Variants in PCDHGA2 observed in about 807,000 individuals in gnomAD.
PCDHGA2 encodes the protein protocadherin gamma subfamily A, 2.
PCDHGA2 carries 40 observed loss-of-function variants against 59.2 expected under a neutral mutation model. The ratio of observed to expected loss-of-function variants is 0.68; its 90% CI spans 0.52 to 0.88. The LOEUF is 0.88. Among genes scored for constraint, PCDHGA2 ranks in the 40% least tolerant of loss-of-function variants. The pLI, the probability that PCDHGA2 is intolerant of heterozygous loss-of-function variation, is 0.00. For synonymous variants in PCDHGA2, 560 were observed against 526.0 expected, an observed-to-expected ratio of 1.06 and a Z score of -0.89; for missense variants, 1,226 against 1,204.0, an observed-to-expected ratio of 1.02 and a Z score of -0.27.
intron 1 of PCDHGA2, chr5:141,422,667 G>A (rs1283968031): frequency 1.9e-6 from 3 of 1,607,536 alleles, no homozygotes; most frequent in South Asian, 1.1e-5. Context: ...CCCTCGACCC[G>A]GACAGCAAAC....
Position 141,352,437 on chromosome 5 carries a change from G to A in PCDHGA2, c.2424+11042G>A, listed in dbSNP as rs754792200. The A allele has an allele frequency of 1.2e-6, 2 of 1,613,916 alleles. No homozygotes were observed. Among genetic ancestry groups the A allele is most frequent in the Non-Finnish European group, 1.7e-6 (2 of 1,179,916 alleles). ...GACACTGAGGGCTGCTTTCAAACCG[G>A]TCTCTGCTCCAAGTCTGGGCCCGGG... On this transcript the variant is annotated intron_variant, in intron 1 of 3. Transcript: ENST00000394576.
At chr5:141,361,413 C>CG (rs1007927822) in intron 1 of PCDHGA2, 1 of 1,614,020 alleles carries the variant, frequency 6.2e-7, no homozygotes. Context: ...CAGCCACCGA[C>CG]GGGGGCAAGC....
intron 1 of PCDHGA2, among the ~76,000 whole-genome samples, chr5:141,468,000 C>G (rs1429450909): frequency 6.6e-6 from 1 of 152,028 alleles, no homozygotes; most frequent in East Asian, 1.9e-4. Flanking sequence ...ATTCTTTCTT[C>G]CTCTGTTATA....
intron 1 of PCDHGA2, chr5:141,399,579 C>T: frequency 6.2e-7 from 1 of 1,614,026 alleles, no homozygotes; most frequent in South Asian, 1.1e-5. Context: ...GCCAAGTCTC[C>T]TACTCTATCA....
chr5:141,398,882 G>A, intron 1 of PCDHGA2: 1 of 1,613,930 alleles, frequency 6.2e-7, no homozygotes, highest in Non-Finnish European at 8.5e-7. Context: ...GTCAGCCTTC[G>A]GGAAAACGTG....
intron 1 of PCDHGA2, chr5:141,404,037 A>T: frequency 6.2e-7 from 1 of 1,613,888 alleles, no homozygotes; most frequent in East Asian, 2.2e-5. Context: ...GACGCACCTC[A>T]GGGAACAGTA....
At position 141,344,118 on chromosome 5, in the gene PCDHGA2, G is replaced by T. The variant is rs780017426; in HGVS notation, c.2424+2723G>T. On this transcript the variant is annotated intron_variant, in intron 1 of 3. Transcript: ENST00000394576. ...GGGGACGCTGTGCGAAACAGGATCC[G>T]GTCAGATCCGCTACTCGGTGTCTGA... 6.8e-6 allele frequency: 11 copies of T among 1,613,874 alleles called. No homozygotes were observed. In the East Asian group the frequency reaches 1.6e-4, roughly 23 times the overall value.
rs1408799959 is a variant in PCDHGA2, at chr5:141,345,390, C to T, written c.2424+3995C>T. ...CATCAATGACAACCCACCCACCTTC[C>T]CTCATTTATCCTACTCCGCCTACAT... On this transcript the variant is annotated intron_variant, in intron 1 of 3. Transcript: ENST00000394576. 10 of 1,614,144 alleles carry T rather than the reference C, an allele frequency of 6.2e-6. 1 individual carries two copies. The South Asian group carries it at 9.9e-5, about 16-fold the overall frequency.
In PCDHGA2 at chr5:141,431,961, A is replaced by C; in HGVS notation, c.2425-62846A>C. Reference sequence around the variant, plus strand: ...AAATTAGAAAAATCTTACGGAAATTACTATAGTTTAGTCACAGACATAGTC... The same window carrying C: ...AAATTAGAAAAATCTTACGGAAATTCCTATAGTTTAGTCACAGACATAGTC... On this transcript the variant is annotated intron_variant, in intron 1 of 3. Transcript: ENST00000394576. The surrounding 1 kb of genome is among the most constrained non-coding windows in gnomAD (Gnocchi z 4.8). 1 of 1,614,206 alleles carries C rather than the reference A, an allele frequency of 6.2e-7. No homozygotes were observed.
chr5:141,440,793 C>T (rs1448130354), intron 1 of PCDHGA2: 1 of 152,124 alleles, frequency 6.6e-6, no homozygotes, highest in Non-Finnish European at 1.5e-5. Context: ...TAGACGGCCC[C>T]CCAACAAAGC....
At chr5:141,427,584 A>G in intron 1 of PCDHGA2, 1 of 674,672 alleles carries the variant, frequency 1.5e-6, no homozygotes, top group Non-Finnish European at 2.7e-6. Context: ...CTCATCCAGC[A>G]CAAGCCTCAC....
intron 1 of PCDHGA2, chr5:141,375,861 C>T (rs567912144): frequency 1.9e-6 from 3 of 1,613,986 alleles, no homozygotes; most frequent in Middle Eastern, 1.7e-4. Flanking sequence ...AAGGTGGTGG[C>T]GGTGGACAGA....
In PCDHGA2 at chr5:141,340,657, C is replaced by T. The variant is rs1157138663; in HGVS notation, c.1686C>T (p.Ile562=). 2 of 1,614,126 alleles carry T rather than the reference C, an allele frequency of 1.2e-6. No individual in the cohort carries two copies. The highest frequency in any genetic ancestry group is 8.5e-7 in the Non-Finnish European group (1 of 1,180,050). ...ACCAGAACGACAACGCGCCCGAGAT[C>T]CTGTACCCTGCCTTCCCCACAGACG... The part of the protein sequence containing the change: ...VLDQNDNAPE[I]LYPAFPTDGS... The change falls in exon 1 of 4, where the codon ATC becomes ATT. Residue 562 remains isoleucine, a synonymous_variant. Transcript: ENST00000394576.
intron 1 of PCDHGA2, chr5:141,375,845 G>C (rs1308593204): frequency 6.2e-7 from 1 of 1,614,076 alleles, no homozygotes; most frequent in East Asian, 2.2e-5. Flanking sequence ...CGGCTACCTG[G>C]TGACCAAGGT....
chr5:141,373,819 A>G, intron 1 of PCDHGA2: 1 of 365,074 alleles, frequency 2.7e-6, no homozygotes, highest in Non-Finnish European at 4.9e-6. Context: ...GTTTCACAAA[A>G]CGATGCAGTA....
At chr5:141,370,453 T>G in intron 1 of PCDHGA2, 1 of 1,611,650 alleles carries the variant, frequency 6.2e-7, no homozygotes, top group Non-Finnish European at 8.5e-7. Flanking sequence ...CTATTTCTCT[T>G]CCTGCTCTCT....
chr5:141,404,992 C>G (rs2094593837), intron 1 of PCDHGA2: 5 of 1,613,876 alleles, frequency 3.1e-6, no homozygotes, highest in Admixed American at 3.3e-5. Context: ...GTCTTCAGAT[C>G]CCTGCAGACC....
chr5:141,396,492 C>G (rs970666488), intron 1 of PCDHGA2: 1 of 151,944 alleles, frequency 6.6e-6, no homozygotes, highest in Non-Finnish European at 1.5e-5. Context: ...TGGTGGCATG[C>G]GCCTGTGGTC....
chr5:141,384,139 A>G (rs1561600498), intron 1 of PCDHGA2: 1 of 1,612,786 alleles, frequency 6.2e-7, no homozygotes. Context: ...GGACCGGGAA[A>G]CACTCTCTTT....
Sources: gnomAD v4.1 joint callset for allele counts (sites outside exome capture counted in the v4.1 genomes callset) on GRCh38, gnomAD v4.1.1 for gene constraint, Gnocchi (gnomAD v3.1) non-coding constraint, MANE v1.5 for transcripts, NCBI Gene and HGNC (gene_info 2026-07-23, HGNC 2026-07-21) for gene names.